TET2: variants seen among roughly 807,000 people sequenced by gnomAD.
TET2 encodes the protein methylcytosine dioxygenase TET2.
Under a neutral mutation model 142.9 loss-of-function variants are expected in TET2, and 299 were observed. That is an observed-to-expected ratio of 2.09 (90% CI 1.90 to 2.30). The LOEUF (loss-of-function observed/expected upper bound fraction) is 2.30, where lower values mean the gene tolerates loss of function less well. TET2 is among the 30% of genes most tolerant of loss of function. TET2 has a pLI of 0.00. For missense variants in TET2, 2,418 were observed against 2,378.0 expected, an observed-to-expected ratio of 1.02 and a Z score of -0.35; for synonymous variants, 819 against 849.0, an observed-to-expected ratio of 0.96 and a Z score of 0.61.
Position 105,174,796 on chromosome 4 carries a change from A to G in TET2, c.-192-15564A>G, listed in dbSNP as rs752481001. Among the ~76,000 whole-genome samples the G allele has an allele frequency of 5.3e-5, 8 of 152,318 alleles. No homozygotes were observed. The Middle Eastern group carries it at 0.014, about 259-fold the overall frequency. On this transcript the variant is annotated intron_variant, in intron 1 of 10. Transcript: ENST00000380013. Reference sequence around the variant, plus strand: ...AGAAGAAAAGGAACCATCTTGAAATATGTCAGAGCATTTTGTTGGACTCAA... The same window carrying G: ...AGAAGAAAAGGAACCATCTTGAAATGTGTCAGAGCATTTTGTTGGACTCAA...
In TET2 at chr4:105,237,275, A is replaced by G. The variant is rs1368751986; in HGVS notation, c.3333A>G (p.Leu1111=). 6.2e-7 allele frequency: 1 copy of G among 1,614,028 alleles called. No individual in the cohort carries two copies. The highest frequency in any genetic ancestry group is 1.3e-5 in the African/African-American group (1 of 74,940). ...ATTTTATAGAGTCACCTTCCAAATTACTAGATACTCCTATAAAAAATTTAT... is the reference window on the plus strand; with the variant it reads ...ATTTTATAGAGTCACCTTCCAAATTGCTAGATACTCCTATAAAAAATTTAT... The part of the protein sequence containing the change: ...LNNFIESPSK[L]LDTPIKNLLD... Residue 1111 remains leucine, a synonymous_variant, in exon 3 of 11, where the codon TTA becomes TTG. Transcript: ENST00000380013.
intron 1 of TET2, among the ~76,000 whole-genome samples, chr4:105,187,932 G>A (rs754644171): frequency 1.3e-5 from 2 of 152,164 alleles, no homozygotes; most frequent in Non-Finnish European, 2.9e-5. Flanking sequence ...CAGCCACTTT[G>A]CAAAACAGTT....
chr4:105,244,584 A>ATCTTTTTTTTTTTTTTTTTTTTTTTTT lies in TET2; in HGVS notation c.3803+807_3803+808insCTTTTTTTTTTTTTTTTTTTTTTTTTT, dbSNP rs1237638072. On this transcript the variant is annotated intron_variant, in intron 6 of 10. Transcript: ENST00000380013. ...TGAATGTTCACGGTGCTACACAGAA[A>ATCTTTTTTTTTTTTTTTTTTTTTTTTT]TGTTTTTTTTTTTTTTTTTTTTTTT... is the stretch of plus-strand genomic sequence containing the variant. Among the ~76,000 whole-genome samples the ATCTTTTTTTTTTTTTTTTTTTTTTTTT allele has an allele frequency of 6.0e-5, 7 of 116,756 alleles. 2 individuals carry two copies. The highest frequency in any genetic ancestry group is 1.8e-4 in the African/African-American group (5 of 28,436). 76.6% of individuals were successfully genotyped at this position (116,756 alleles called of 152,430 possible).
chr4:105,241,465 TA>T (rs1165540387), intron 4 of TET2, 36 bp downstream of exon 4: 1 of 1,522,340 alleles, frequency 6.6e-7, no homozygotes, highest in Non-Finnish European at 8.8e-7. Flanking sequence ...GATTAACGTT[TA>T]TCCTTTTGTA....
intron 8 of TET2, among the ~76,000 whole-genome samples, chr4:105,264,201 A>G (rs550860252): frequency 6.6e-6 from 1 of 152,164 alleles, no homozygotes; most frequent in Non-Finnish European, 1.5e-5. Context: ...ATGTGTATGA[A>G]TATCTATGAA....
Position 105,234,334 on chromosome 4 carries a change from G to T in TET2, c.392G>T (p.Arg131Ile). The stretch of plus-strand genomic sequence containing the variant: ...CGTAACTTCGGGGTAAGCCAAGAAA[G>T]AAATCCAGGTGAAAGCAGTCAACCA... ...ERRNFGVSQE[R>I]NPGESSQPNV... Residue 131 changes from arginine to isoleucine, a missense_variant, in exon 3 of 11, where the codon AGA (arginine) becomes ATA (isoleucine). Arg to Ile is a moderately conservative substitution (Grantham distance 97). Transcript: ENST00000380013. The T allele has an allele frequency of 6.2e-7, 1 of 1,614,080 alleles. No individual in the cohort carries two copies. The highest frequency in any genetic ancestry group is 8.5e-7 in the Non-Finnish European group (1 of 1,179,996).
Position 105,235,375 on chromosome 4 carries a change from A to C in TET2, c.1433A>C (p.Glu478Ala), listed in dbSNP as rs1203826340. 2 of 1,614,178 alleles carry C rather than the reference A, an allele frequency of 1.2e-6. No homozygotes were observed. Among genetic ancestry groups the C allele is most frequent in the Admixed American group, 1.7e-5 (1 of 60,026 alleles). Residue 478 changes from glutamate (E) to alanine (A), a missense_variant, in exon 3 of 11, where the codon GAA becomes GCA. Coordinates refer to ENST00000380013, the MANE Select transcript of TET2 (RefSeq NM_001127208.3). ...TGCAGCCCTTCTCCGATGCTTTCTG[A>C]AAGGCCTCAGAATAATTGTGTGAAC... is the stretch of plus-strand genomic sequence containing the variant. ...HVCSPSPMLS[E>A]RPQNNCVNRN... is the part of the protein sequence containing the mutation.
chr4:105,261,632 A>G (rs1253615684), intron 7 of TET2, 127 bp from the exon 8 acceptor site: 4 of 491,102 alleles, frequency 8.1e-6, no homozygotes, highest in Non-Finnish European at 1.5e-5. Flanking sequence ...TGCTTTATTT[A>G]GTAATAAAGG....
intron 3 of TET2, chr4:105,240,644 T>C (rs1251852654): frequency 9.3e-7 from 1 of 1,079,782 alleles, no homozygotes; most frequent in African/African-American, 1.6e-5. Context: ...ACACATCTCA[T>C]AGATAATATT....
intron 2 of TET2, among the ~76,000 whole-genome samples, chr4:105,222,721 T>G (rs1394500645): frequency 1.3e-5 from 2 of 152,104 alleles, no homozygotes; most frequent in Non-Finnish European, 2.9e-5. Context: ...TTAGTTTAAT[T>G]AGATCCCATT....
intron 3 of TET2, chr4:105,239,372 A>T (rs189828318): frequency 1.2e-5 from 3 of 240,808 alleles, no homozygotes; most frequent in African/African-American, 6.7e-5. Context: ...TTTCAATAGT[A>T]GGCTGTTTAG....
intron 1 of TET2, among the ~76,000 whole-genome samples, chr4:105,168,651 T>C (rs1724288617): frequency 6.6e-6 from 1 of 152,154 alleles, no homozygotes; most frequent in Non-Finnish European, 1.5e-5. Flanking sequence ...GTAAGTTCTT[T>C]AGTGGTGATT....
intron 3 of TET2, chr4:105,237,646 ATTTAGCTCT>A (rs1729036983): frequency 8.6e-6 from 12 of 1,402,790 alleles, no homozygotes; most frequent in Non-Finnish European, 1.1e-5. Flanking sequence ...CAATTCGCCT[ATTTAGCTCT>A]TTGTATATTA....
In TET2 at chr4:105,275,039, T is replaced by C. The variant is rs1400457000; in HGVS notation, c.4538-9T>C. On this transcript the variant is annotated splice_polypyrimidine_tract_variant and intron_variant, in intron 10 of 10. Coordinates refer to ENST00000380013, the MANE Select transcript of TET2 (RefSeq NM_001127208.3). ...TACCTGTTTCTGTTCTCTCTTACCC[T>C]GTCCACAGAACTTTTGCGACTTTCA... The C allele has an allele frequency of 6.6e-7, 1 of 1,515,566 alleles. No individual in the cohort carries two copies. Among genetic ancestry groups the C allele is most frequent in the Non-Finnish European group, 8.8e-7 (1 of 1,131,594 alleles). The allele number at this position is 1,515,566 out of a possible 1,614,324, so 93.9% of individuals were successfully genotyped here.
intron 3 of TET2, chr4:105,239,319 A>C (rs1729162251): frequency 4.2e-6 from 1 of 239,962 alleles, no homozygotes; most frequent in African/African-American, 2.2e-5. Flanking sequence ...CCTTTGAAGC[A>C]AGGCATTGAC....
chr4:105,207,829 G>A (rs1726919601), intron 2 of TET2, among the ~76,000 whole-genome samples: 2 of 152,146 alleles, frequency 1.3e-5, no homozygotes, highest in African/African-American at 4.8e-5. Context: ...CTTGGTGATT[G>A]ATAGGTTATT....
chr4:105,154,221 CTT>C (rs1578528725), intron 1 of TET2, among the ~76,000 whole-genome samples: 1 of 152,174 alleles, frequency 6.6e-6, no homozygotes, highest in African/African-American at 2.4e-5. Context: ...TTGCCCAACT[CTT>C]TGAATATGCT....
intron 2 of TET2, among the ~76,000 whole-genome samples, chr4:105,225,213 T>A (rs927129404): frequency 6.6e-6 from 1 of 151,710 alleles, no homozygotes; most frequent in East Asian, 1.9e-4. Context: ...TGTGTGTGAT[T>A]TGAATAATGA....
At chr4:105,257,107 GT>G (rs1730175780) in intron 6 of TET2, among the ~76,000 whole-genome samples, 1 of 152,046 alleles carries the variant, frequency 6.6e-6, no homozygotes, top group African/African-American at 2.4e-5. Flanking sequence ...GCCATACTTT[GT>G]TTCTGTTTCT....
Sources: allele counts gnomAD v4.1 joint callset (sites outside exome capture counted in the v4.1 genomes callset), GRCh38; gene constraint gnomAD v4.1.1; transcripts MANE v1.5; gene names NCBI Gene and HGNC (gene_info 2026-07-23, HGNC 2026-07-21).